RAD54B: variants seen among roughly 807,000 people sequenced by gnomAD.
RAD54B encodes DNA repair and recombination protein RAD54B.
A neutral mutation model predicts 95.8 loss-of-function variants in RAD54B; 78 were observed. The observed-to-expected ratio is 0.81, with a 90% CI of 0.68 to 0.98. The LOEUF (loss-of-function observed/expected upper bound fraction) is 0.98, where lower values mean the gene tolerates loss of function less well. RAD54B is among the 50% of genes least tolerant of loss of function. The pLI, the probability that RAD54B is intolerant of heterozygous loss-of-function variation, is 0.00. For missense variants in RAD54B, 957 were observed against 1,056.6 expected (o/e 0.91, Z 1.31); for synonymous variants, 328 against 354.9 (o/e 0.92, Z 0.85).
intron 1 of RAD54B, among the ~76,000 whole-genome samples, chr8:94,473,644 A>G (rs1813222691): frequency 6.6e-6 from 1 of 152,220 alleles, no homozygotes; most frequent in Non-Finnish European, 1.5e-5. Flanking sequence ...AGTTCAACAT[A>G]CAGGACAATG....
At position 94,429,712 on chromosome 8, in the gene RAD54B, T is replaced by C. The variant is rs918215308; in HGVS notation, c.305-18397A>G. 9.1e-6 allele frequency: 9 copies of C among 983,618 alleles called. No individual in the cohort carries two copies. The African/African-American group carries it at 1.4e-4, about 15-fold the overall frequency. 60.9% of individuals were successfully genotyped at this position (983,618 alleles called of 1,614,324 possible). A position where few individuals can be genotyped will look rare whatever the true frequency, so the allele number is the denominator to read the frequency against. On this transcript the variant is annotated intron_variant, in intron 3 of 14. Transcript: ENST00000336148. ...CACAGATTAAAGAGAAAAGGTAACA[T>C]TGTCAAAAGGATATATCAAGTTATA...
intron 5 of RAD54B, among the ~76,000 whole-genome samples, chr8:94,406,910 G>A (rs1219211897): frequency 6.6e-6 from 1 of 151,932 alleles, no homozygotes; most frequent in African/African-American, 2.4e-5. Flanking sequence ...TACAATCTAG[G>A]TTTCTTTTTT....
rs952574463 is a variant in RAD54B, at chr8:94,410,986, C to T, written c.499+135G>A. 7 of 639,610 alleles carry T rather than the reference C, an allele frequency of 1.1e-5. No homozygotes were observed. In the African/African-American group the frequency reaches 1.1e-4, roughly 10 times the overall value. The allele number at this position is 639,610 out of a possible 1,614,324, so 39.6% of individuals were successfully genotyped here. ...TTATGAGATTATTTTATGTATTATA[C>T]ACAGTTGAGGCATGAACATCCATTA... On this transcript the variant is annotated intron_variant, in intron 4 of 14. Coordinates refer to ENST00000336148, the MANE Select transcript of RAD54B (RefSeq NM_012415.3).
intron 3 of RAD54B, among the ~76,000 whole-genome samples, chr8:94,416,231 T>C (rs1288636995): frequency 1.1e-4 from 16 of 150,874 alleles, no homozygotes; most frequent in Admixed American, 2.0e-4. Flanking sequence ...ATGGATGAAA[T>C]TGGAAATCAT....
intron 8 of RAD54B, among the ~76,000 whole-genome samples, chr8:94,396,098 G>C (rs1391631217): frequency 6.6e-6 from 1 of 151,898 alleles, no homozygotes; most frequent in Non-Finnish European, 1.5e-5. Flanking sequence ...GAGTAAGGAA[G>C]GGGGGAAAAA....
At chr8:94,447,981 C>T (rs547962415) in intron 3 of RAD54B, among the ~76,000 whole-genome samples, 2 of 152,200 alleles carry the variant, frequency 1.3e-5, no homozygotes, top group South Asian at 2.1e-4. Context: ...GTATTTTTAT[C>T]GATACTTGAA....
At chr8:94,418,912 A>G (rs1365387194) in intron 3 of RAD54B, among the ~76,000 whole-genome samples, 1 of 152,156 alleles carries the variant, frequency 6.6e-6, no homozygotes, top group Non-Finnish European at 1.5e-5. Context: ...ATCTTTATCA[A>G]TTTAATTGGC....
intron 3 of RAD54B, among the ~76,000 whole-genome samples, chr8:94,434,350 A>G (rs890607574): frequency 6.6e-6 from 1 of 151,792 alleles, no homozygotes; most frequent in African/African-American, 2.4e-5. Context: ...AAAAAGGGAG[A>G]AAAAAAGCTT....
intron 9 of RAD54B, among the ~76,000 whole-genome samples, chr8:94,392,987 C>G (rs1811058510): frequency 6.6e-6 from 1 of 151,230 alleles, no homozygotes; most frequent in Non-Finnish European, 1.5e-5. Flanking sequence ...CCATGCCCAG[C>G]TAATTTTTGT....
chr8:94,437,497 C>T (rs1216002688), intron 3 of RAD54B, among the ~76,000 whole-genome samples: 1 of 152,172 alleles, frequency 6.6e-6, no homozygotes, highest in Non-Finnish European at 1.5e-5. Flanking sequence ...GACCCAGACT[C>T]CACAGTAAAG....
At chr8:94,398,731 G>T (rs1377718904) in intron 8 of RAD54B, among the ~76,000 whole-genome samples, 4 of 151,974 alleles carry the variant, frequency 2.6e-5, no homozygotes, top group African/African-American at 7.2e-5. Flanking sequence ...AGACCAAGAT[G>T]AGATATGGGA....
chr8:94,427,229 C>T (rs772341538), intron 3 of RAD54B, among the ~76,000 whole-genome samples: 9 of 151,652 alleles, frequency 5.9e-5, no homozygotes, highest in East Asian at 1.9e-4. Context: ...CTGATATGAG[C>T]GATATTTTTA....
Position 94,432,400 on chromosome 8 carries a change from G to A in RAD54B, c.305-21085C>T, listed in dbSNP as rs760350399. 1.4e-5 allele frequency: 21 copies of A among 1,550,260 alleles called. No homozygotes were observed. In the African/African-American group the frequency reaches 2.9e-4, roughly 21 times the overall value. On this transcript the variant is annotated intron_variant, in intron 3 of 14. Coordinates refer to ENST00000336148, the MANE Select transcript of RAD54B (RefSeq NM_012415.3). ...TGCCGAAAAAAATCATCTCTCCTTG[G>A]AATAGAAGATGGAGACGATGTCATT...
chr8:94,436,377 A>T (rs1812260851), intron 3 of RAD54B: 1 of 1,275,718 alleles, frequency 7.8e-7, no homozygotes, highest in East Asian at 2.6e-5. Flanking sequence ...AAACAAAGAC[A>T]CTATTCATTG....
chr8:94,445,650 C>G (rs1360699886), intron 3 of RAD54B, among the ~76,000 whole-genome samples: 1 of 151,982 alleles, frequency 6.6e-6, no homozygotes, highest in East Asian at 1.9e-4. Context: ...TGAGTTGTAT[C>G]TGCAGTATTT....
At chr8:94,394,185 A>G (rs1002611390) in intron 8 of RAD54B, among the ~76,000 whole-genome samples, 4 of 151,942 alleles carry the variant, frequency 2.6e-5, no homozygotes, top group African/African-American at 9.7e-5. Context: ...TGCATCACTT[A>G]CTCCCTGAGT....
chr8:94,383,184 C>G (rs751151162), intron 11 of RAD54B, among the ~76,000 whole-genome samples: 1 of 148,144 alleles, frequency 6.8e-6, no homozygotes, highest in Non-Finnish European at 1.5e-5. Flanking sequence ...ACTCGAGAGG[C>G]CAAAGCACGA....
At chr8:94,474,223 G>C (rs1180751133) in intron 1 of RAD54B, among the ~76,000 whole-genome samples, 2 of 152,202 alleles carry the variant, frequency 1.3e-5, no homozygotes, top group Non-Finnish European at 2.9e-5. Flanking sequence ...AGAAGGGAGA[G>C]GAAAGGAGGA....
At chr8:94,470,950 A>G (rs1190757086) in intron 1 of RAD54B, among the ~76,000 whole-genome samples, 1 of 152,124 alleles carries the variant, frequency 6.6e-6, no homozygotes, top group Non-Finnish European at 1.5e-5. Flanking sequence ...CTTTTTCTCT[A>G]GGCTTTGAAC....
Sources: gnomAD v4.1 joint callset for allele counts (sites outside exome capture counted in the v4.1 genomes callset) on GRCh38, gnomAD v4.1.1 for gene constraint, MANE v1.5 for transcripts, NCBI Gene and HGNC (gene_info 2026-07-23, HGNC 2026-07-21) for gene names.